PTCH2: variants seen among roughly 807,000 people sequenced by gnomAD.
PTCH2 encodes the protein patched 2, also known as protein patched homolog 2.
A neutral mutation model predicts 117.9 loss-of-function variants in PTCH2; 96 were observed. The observed-to-expected ratio is 0.81, with a 90% confidence interval of 0.69 to 0.96. The LOEUF (loss-of-function observed/expected upper bound fraction) is 0.96. Ranked by LOEUF, PTCH2 falls within the 50% of genes least tolerant of loss-of-function variation. PTCH2 has a pLI of 0.00. For missense variants in PTCH2, 1,379 were observed against 1,562.5 expected, an observed-to-expected ratio of 0.88 and a Z score of 1.98; for synonymous variants, 615 against 660.9, an observed-to-expected ratio of 0.93 and a Z score of 1.06.
At position 44,823,505 on chromosome 1, in the gene PTCH2, A is replaced by T; in HGVS notation, c.3115-120T>A. The stretch of plus-strand genomic sequence containing the variant: ...ACCTTGGCCCACCAAAGGCTGGGTG[A>T]ACTAAGTTCATGGGAACTGTACAGG... On this transcript the variant is annotated intron_variant, in intron 19 of 21. Coordinates refer to ENST00000372192, the MANE Select transcript of PTCH2 (RefSeq NM_003738.5). This position sits in a 1 kb window ranked among gnomAD's most constrained non-coding sequence, Gnocchi z 5.1. The T allele has an allele frequency of 3.6e-6, 5 of 1,371,842 alleles. No individual in the cohort carries two copies. Among genetic ancestry groups the T allele is most frequent in the Non-Finnish European group, 5.1e-6 (5 of 976,032 alleles). The allele number at this position is 1,371,842 out of a possible 1,614,324, so 85.0% of individuals were successfully genotyped here.
In PTCH2 at chr1:44,831,462, T is replaced by A. The variant is rs955146419; in HGVS notation, c.617+244A>T. Among the ~76,000 whole-genome samples the A allele has an allele frequency of 3.9e-5, 6 of 152,218 alleles. No individual in the cohort carries two copies. Among genetic ancestry groups the A allele is most frequent in the Non-Finnish European group, 7.3e-5 (5 of 68,038 alleles). ...CTCTTTGTGGGGATCTTTTTCTCCT[T>A]TGCTCAGATCTTACAGATCTTTGTG... is the stretch of plus-strand genomic sequence containing the variant. On this transcript the variant is annotated intron_variant, in intron 5 of 21. Transcript: ENST00000372192. The surrounding 1 kb of genome is among the most constrained non-coding windows in gnomAD (Gnocchi z 4.3).
At position 44,830,526 on chromosome 1, in the gene PTCH2, C is replaced by T. The variant is rs546439378; in HGVS notation, c.813+322G>A. On this transcript the variant is annotated intron_variant, in intron 6 of 21. Coordinates refer to ENST00000372192, the MANE Select transcript of PTCH2 (RefSeq NM_003738.5). ...GCTAAGGCAGGAGAATTGCTTGAGCCGAGGTTGCAGTGAGCCAAGATCGAA... is the reference window on the plus strand; with the variant it reads ...GCTAAGGCAGGAGAATTGCTTGAGCTGAGGTTGCAGTGAGCCAAGATCGAA... Among the ~76,000 whole-genome samples, 24 of 137,904 alleles carry T rather than the reference C, an allele frequency of 1.7e-4. No homozygotes were observed. The South Asian group carries it at 3.4e-3, about 20-fold the overall frequency. The allele number at this position is 137,904 out of a possible 152,430, so 90.5% of individuals were successfully genotyped here. A position where few individuals can be genotyped will look rare whatever the true frequency, so the allele number is the denominator to read the frequency against.
Position 44,827,969 on chromosome 1 carries a change from G to T in PTCH2, c.1932C>A (p.Asp644Glu), listed in dbSNP as rs772209129. The part of the protein sequence containing the change: ...ELFSPGGSTR[D>E]LLGQEEETRQ... ...TTGTCTCCTCCTCCTGGCCTAGAAG[G>T]TCCCGTGTGGACCCTCCAGGGCTGA... is the stretch of plus-strand genomic sequence containing the variant. The change falls in exon 14 of 22, where the codon GAC becomes GAA. Residue 644 changes from aspartate to glutamate, a missense_variant. By Grantham distance (45) the Asp-to-Glu change is conservative. Coordinates refer to ENST00000372192, the MANE Select transcript of PTCH2 (RefSeq NM_003738.5). 2 of 1,614,088 alleles carry T rather than the reference G, an allele frequency of 1.2e-6. No individual in the cohort carries two copies. The highest frequency in any genetic ancestry group is 3.3e-5 in the Admixed American group (2 of 60,006).
chr1:44,839,173 G>A (rs1337108565), intron 2 of PTCH2, among the ~76,000 whole-genome samples: 1 of 152,030 alleles, frequency 6.6e-6, no homozygotes, highest in Non-Finnish European at 1.5e-5. Flanking sequence ...AGGAGATCGA[G>A]GCCAGCATGG....
In PTCH2 at chr1:44,843,016, T is replaced by G; in HGVS notation, c.-84A>C. The G allele has an allele frequency of 6.9e-7, 1 of 1,444,244 alleles. No homozygotes were observed. 89.5% of individuals were successfully genotyped at this position (1,444,244 alleles called of 1,614,324 possible). ...GGCTAGCCCGGTCTCCCGGTACCGC[T>G]GGGCCCCGCGTAGGGATTCAGTGGG... On this transcript the variant is annotated 5_prime_UTR_variant, in exon 1 of 22. Coordinates refer to ENST00000372192, the MANE Select transcript of PTCH2 (RefSeq NM_003738.5).
At position 44,831,774 on chromosome 1, in the gene PTCH2, G is replaced by T; in HGVS notation, c.549C>A (p.Cys183Ter). The change falls in exon 5 of 22, where the codon TGC becomes TGA. Residue 183 changes from cysteine (C) to a stop codon, truncating the protein, a stop_gained. Coordinates refer to ENST00000372192, the MANE Select transcript of PTCH2 (RefSeq NM_003738.5). LOFTEE classifies it high-confidence loss of function. The surrounding 1 kb of genome is among the most constrained non-coding windows in gnomAD (Gnocchi z 4.3). ...IERMIEKLFP[C>*]VILTPLDCFW... The stretch of plus-strand genomic sequence containing the variant: ...AGCAGTCGAGGGGGGTGAGGATCAC[G>T]CACGGAAACAGCTTCTCAATCATCT... The T allele has an allele frequency of 6.3e-7, 1 of 1,597,342 alleles. No individual in the cohort carries two copies. The highest frequency in any genetic ancestry group is 8.5e-7 in the Non-Finnish European group (1 of 1,171,810).
In PTCH2 at chr1:44,828,065, A is replaced by G; in HGVS notation, c.1836T>C (p.His612=). ...AFTHCEASSQ[H]VVTILPPQAH... ...CTTGGGGAGGCAGGATGGTGACCAC[A>G]TGCTGGCTGCTGGCTTCACAGTGGG... The change falls in exon 14 of 22, where the codon CAT becomes CAC. Residue 612 remains histidine (H), a synonymous_variant. Transcript: ENST00000372192. 1 of 1,614,158 alleles carries G rather than the reference A, an allele frequency of 6.2e-7. No individual in the cohort carries two copies. The highest frequency in any genetic ancestry group is 8.5e-7 in the Non-Finnish European group (1 of 1,180,002).
In PTCH2 at chr1:44,827,726, A is replaced by G. The variant is rs1481686484; in HGVS notation, c.2059-12T>C. The G allele has an allele frequency of 1.9e-6, 3 of 1,611,008 alleles. No individual in the cohort carries two copies. Among genetic ancestry groups the G allele is most frequent in the Non-Finnish European group, 2.5e-6 (3 of 1,179,954 alleles). ...ACCAGCACGATGGCCTGCGGGATGTAGCAACTAAGCTGGAGACCCCAGGGC... is the reference window on the plus strand; with the variant it reads ...ACCAGCACGATGGCCTGCGGGATGTGGCAACTAAGCTGGAGACCCCAGGGC... On this transcript the variant is annotated splice_polypyrimidine_tract_variant and intron_variant, in intron 14 of 21. Coordinates refer to ENST00000372192, the MANE Select transcript of PTCH2 (RefSeq NM_003738.5).
rs756377856 is a variant in PTCH2 at position 44,830,906 on chromosome 1, C to T, written c.755G>A (p.Cys252Tyr). ...QVGQAYVGRPCLHPDDLHCPP... is the reference protein window; with the variant it reads ...QVGQAYVGRPYLHPDDLHCPP... ...GCAGTGGAGGTCATCAGGGTGCAGA[C>T]AGGGCCGCCCCACGTAGGCCTGGCC... The change falls in exon 6 of 22, where the codon TGT becomes TAT. Residue 252 changes from cysteine (C) to tyrosine (Y), a missense_variant. Cys to Tyr is a radical substitution (Grantham distance 194). Transcript: ENST00000372192. The T allele has an allele frequency of 2.2e-5, 35 of 1,581,658 alleles. No homozygotes were observed. Among genetic ancestry groups the T allele is most frequent in the South Asian group, 1.1e-5 (1 of 88,940 alleles).
In PTCH2 at chr1:44,823,447, C is replaced by T; in HGVS notation, c.3115-62G>A. On this transcript the variant is annotated intron_variant, in intron 19 of 21. Coordinates refer to ENST00000372192, the MANE Select transcript of PTCH2 (RefSeq NM_003738.5). The surrounding 1 kb of genome is among the most constrained non-coding windows in gnomAD (Gnocchi z 5.1). ...CCAGTCATGGCCAGCTCAGCCATGTCCCGAGCTGTATCTGTCTTCAGAGCT... is the reference window on the plus strand; with the variant it reads ...CCAGTCATGGCCAGCTCAGCCATGTTCCGAGCTGTATCTGTCTTCAGAGCT... The T allele has an allele frequency of 6.2e-7, 1 of 1,610,662 alleles. No homozygotes were observed.
In PTCH2 at chr1:44,822,524, G is replaced by A. The variant is rs760541175; in HGVS notation, c.3503C>T (p.Pro1168Leu). 1.2e-6 allele frequency: 2 copies of A among 1,614,088 alleles called. No homozygotes were observed. The highest frequency in any genetic ancestry group is 1.1e-5 in the South Asian group (1 of 91,088). Reference protein sequence around the residue: ...TSMTVAIHPPPLPGAYIHPAP... With the variant: ...TSMTVAIHPPLLPGAYIHPAP... ...TGGATGGATGTAGGCACCAGGCAGG[G>A]GGGGTGGGTGGATGGCCACGGTCAT... The change falls in exon 22 of 22, where the codon CCC (proline) becomes CTC (leucine). Residue 1168 changes from proline (P) to leucine (L), a missense_variant. Physicochemically the swap from Pro to Leu is moderately conservative, Grantham distance 98. Transcript: ENST00000372192.
chr1:44,828,048 G>C lies in PTCH2; in HGVS notation c.1853C>G (p.Pro618Arg), dbSNP rs370289347. 6.2e-7 allele frequency: 1 copy of C among 1,614,040 alleles called. No homozygotes were observed. The highest frequency in any genetic ancestry group is 1.3e-5 in the African/African-American group (1 of 74,944). ...TGGGGGCACCAGGTGGGCTTGGGGA[G>C]GCAGGATGGTGACCACATGCTGGCT... ...ASSQHVVTIL[P>R]PQAHLVPPPS... is the part of the protein sequence containing the mutation. The change falls in exon 14 of 22, where the codon CCT (proline) becomes CGT (arginine). Residue 618 changes from proline (P) to arginine (R), a missense_variant. By Grantham distance (103) the Pro-to-Arg change is moderately radical. Transcript: ENST00000372192.
At chr1:44,829,591 C>T (rs1184052513) in intron 8 of PTCH2, 23 bp downstream of exon 8, 4 of 1,614,198 alleles carry the variant, frequency 2.5e-6, no homozygotes, top group Admixed American at 3.3e-5. Flanking sequence ...CAGGGCACCC[C>T]CCTTGTCCTT....
At chr1:44,821,674 T>G, downstream of PTCH2, 1 of 758,276 alleles carries the variant, frequency 1.3e-6, no homozygotes, top group African/African-American at 1.9e-5. Flanking sequence ...ACAGTGGGGT[T>G]CTTTTTTTTC....
At position 44,828,601 on chromosome 1, in the gene PTCH2, C is replaced by A; in HGVS notation, c.1495G>T (p.Gly499Cys). The change falls in exon 12 of 22, where the codon GGC becomes TGC. Residue 499 changes from glycine to cysteine, a missense_variant. Transcript: ENST00000372192. ...ATGGATGTGAGTACGACACTGGTGC[C>A]CGTGCGCTGCAGACACTCGCCCATG... ...ERMGECLQRT[G>C]TSVVLTSINN... The A allele has an allele frequency of 6.2e-7, 1 of 1,613,570 alleles. No individual in the cohort carries two copies. The highest frequency in any genetic ancestry group is 8.5e-7 in the Non-Finnish European group (1 of 1,179,802).
At chr1:44,821,513 T>C (rs183517330), downstream of PTCH2, among the ~76,000 whole-genome samples, 19 of 152,306 alleles carry the variant, frequency 1.2e-4, no homozygotes, top group African/African-American at 4.1e-4. Flanking sequence ...CTGCTTCAAC[T>C]GGCTGCTTTC....
At chr1:44,832,395 C>T (rs1653498192) in intron 2 of PTCH2, 54 bp from the exon 3 acceptor site, 4 of 1,595,158 alleles carry the variant, frequency 2.5e-6, no homozygotes, top group Non-Finnish European at 3.4e-6. Context: ...CGGGTCAGAA[C>T]TTGGGAAGGG....
At chr1:44,820,995 T>G (rs1390179744), downstream of PTCH2, among the ~76,000 whole-genome samples, 1 of 152,164 alleles carries the variant, frequency 6.6e-6, no homozygotes, top group East Asian at 1.9e-4. Flanking sequence ...ATAGGCGTTT[T>G]TTGTTGTTGT....
intron 2 of PTCH2, among the ~76,000 whole-genome samples, chr1:44,835,626 G>T (rs760718248): frequency 6.6e-6 from 1 of 152,138 alleles, no homozygotes; most frequent in South Asian, 2.1e-4. Flanking sequence ...GAAGTTTCAC[G>T]TGTAAAGGCC....
Sources: gnomAD v4.1 joint callset for allele counts (sites outside exome capture counted in the v4.1 genomes callset) on GRCh38, gnomAD v4.1.1 for gene constraint, Gnocchi (gnomAD v3.1) non-coding constraint, MANE v1.5 for transcripts, NCBI Gene and HGNC (gene_info 2026-07-23, HGNC 2026-07-21) for gene names.